Variants in PCYT1A observed in about 807,000 individuals in gnomAD.
The protein encoded by PCYT1A is choline-phosphate cytidylyltransferase A.
PCYT1A carries 25 observed loss-of-function variants against 43.7 expected under a neutral mutation model. The observed-to-expected ratio is 0.57, with a 90% CI of 0.42 to 0.80. The LOEUF (loss-of-function observed/expected upper bound fraction) is 0.80, where lower values mean the gene tolerates loss of function less well. PCYT1A is among the 30% of genes least tolerant of loss of function. The probability of loss-of-function intolerance (pLI) is 0.00; values close to 1 mark genes in which losing one functional copy is unlikely to be tolerated. For missense variants in PCYT1A, 421 were observed against 474.2 expected (o/e 0.89, Z 1.04); for synonymous variants, 172 against 170.7 (o/e 1.01, Z -0.06).
rs561181116 is a variant in PCYT1A at position 196,234,525 on chromosome 3, G to T, written c.*4163C>A. 6.6e-6 allele frequency: 1 copy of T among 152,290 alleles called. No individual in the cohort carries two copies. The highest frequency in any genetic ancestry group is 2.1e-4 in the South Asian group (1 of 4,832). 9.4% of individuals were successfully genotyped at this position (152,290 alleles called of 1,614,324 possible). A position where few individuals can be genotyped will look rare whatever the true frequency, so the allele number is the denominator to read the frequency against. ...TGATGGGGCGAACGTTCAAGACGAA[G>T]CCAGCAGTCCTTTCCAAGACTCTTT... On this transcript the variant is annotated 3_prime_UTR_variant, in exon 9 of 9. Transcript: ENST00000431016.
chr3:196,245,341 T>C (rs1724528303), intron 5 of PCYT1A, among the ~76,000 whole-genome samples: 1 of 152,122 alleles, frequency 6.6e-6, no homozygotes, highest in South Asian at 2.1e-4. Context: ...GGTTTCACCG[T>C]GTTGGCCAGG....
intron 5 of PCYT1A, among the ~76,000 whole-genome samples, chr3:196,244,859 A>C (rs1468505502): frequency 3.9e-5 from 6 of 152,044 alleles, no homozygotes; most frequent in Non-Finnish European, 8.8e-5. Flanking sequence ...GGGCGGTGCA[A>C]GATGTGCTTT....
At position 196,248,371 on chromosome 3, in the gene PCYT1A, C is replaced by A; in HGVS notation, c.218-48G>T. 2.6e-6 allele frequency: 3 copies of A among 1,173,688 alleles called. No homozygotes were observed. The South Asian group carries it at 3.7e-5, about 14-fold the overall frequency. The allele number at this position is 1,173,688 out of a possible 1,614,324, so 72.7% of individuals were successfully genotyped here. On this transcript the variant is annotated intron_variant, in intron 3 of 8. Transcript: ENST00000431016. ...ATCACAAAAATACCTTTTTTTTTGT[C>A]ATTTTTATTTTTATTTTTGAGGCCG...
intron 7 of PCYT1A, chr3:196,241,391 G>A (rs959288007): frequency 2.8e-5 from 13 of 471,570 alleles, no homozygotes; most frequent in Non-Finnish European, 4.3e-5. Context: ...TCGCTATGTT[G>A]CCCCCAGACT....
Position 196,247,534 on chromosome 3 carries a change from A to G in PCYT1A, c.335-16T>C. The G allele has an allele frequency of 6.2e-7, 1 of 1,613,654 alleles. No homozygotes were observed. Among genetic ancestry groups the G allele is most frequent in the African/African-American group, 1.3e-5 (1 of 75,032 alleles). On this transcript the variant is annotated splice_polypyrimidine_tract_variant and intron_variant, in intron 4 of 8. Transcript: ENST00000431016. This position sits in a 1 kb window ranked among gnomAD's most constrained non-coding sequence, Gnocchi z 4.8. ...TCACTGCAAACTGGTTCACCACATC[A>G]TAAATTGTGTGTTGGAGTCCTCTTT...
rs756700777 is a variant in PCYT1A at position 196,277,238 on chromosome 3, T to A, written c.-10-6697A>T. Among the ~76,000 whole-genome samples, 16 of 151,842 alleles carry A rather than the reference T, an allele frequency of 1.1e-4. No individual in the cohort carries two copies. Among genetic ancestry groups the A allele is most frequent in the Non-Finnish European group, 2.2e-4 (15 of 67,944 alleles). ...AGAGTGAGACTCCATTTCAAAAAAA[T>A]ATATATATTTTTTTCTTTACCTGCT... On this transcript the variant is annotated intron_variant, in intron 1 of 8. Transcript: ENST00000431016. The surrounding 1 kb of genome is among the most constrained non-coding windows in gnomAD (Gnocchi z 4.1).
chr3:196,246,700 C>T (rs975133497), intron 5 of PCYT1A, among the ~76,000 whole-genome samples: 2 of 152,178 alleles, frequency 1.3e-5, no homozygotes, highest in Non-Finnish European at 2.9e-5. Context: ...TATGTTAATC[C>T]GTCTTATTTC....
intron 1 of PCYT1A, among the ~76,000 whole-genome samples, chr3:196,276,259 C>T (rs1461740174): frequency 1.3e-5 from 2 of 151,998 alleles, no homozygotes; most frequent in African/African-American, 4.8e-5. Flanking sequence ...AAACATATAT[C>T]GAAGTATCAC....
At chr3:196,248,514 G>A (rs1376225208) in intron 3 of PCYT1A, among the ~76,000 whole-genome samples, 191 bp from the exon 4 acceptor site, 1 of 151,820 alleles carries the variant, frequency 6.6e-6, no homozygotes, top group Non-Finnish European at 1.5e-5. Context: ...TGGGATTACA[G>A]GTGCATGTCA....
intron 1 of PCYT1A, among the ~76,000 whole-genome samples, chr3:196,285,508 G>A (rs1320384620): frequency 2.0e-5 from 3 of 152,064 alleles, no homozygotes; most frequent in Non-Finnish European, 4.4e-5. Flanking sequence ...AAGAGAGAAG[G>A]AAGTAGTAAC....
At chr3:196,245,193 G>A (rs1021004871) in intron 5 of PCYT1A, among the ~76,000 whole-genome samples, 8 of 150,772 alleles carry the variant, frequency 5.3e-5, no homozygotes, top group African/African-American at 2.0e-4. Context: ...CCAGGCTGGA[G>A]TGTAGTGGCA....
chr3:196,259,895 T>C (rs1312959707), intron 2 of PCYT1A, among the ~76,000 whole-genome samples: 1 of 145,396 alleles, frequency 6.9e-6, no homozygotes, highest in African/African-American at 2.5e-5. Context: ...TACTTAATGA[T>C]ATAAATGGAA....
At chr3:196,274,139 A>G (rs1560176600) in intron 1 of PCYT1A, among the ~76,000 whole-genome samples, 1 of 152,238 alleles carries the variant, frequency 6.6e-6, no homozygotes, top group Admixed American at 6.5e-5. Flanking sequence ...CTTTGCTCCA[A>G]AATCAGAGCA....
rs1725639816 is a variant in PCYT1A, at chr3:196,277,922, T to C, written c.-10-7381A>G. Among the ~76,000 whole-genome samples, 1 of 152,194 alleles carries C rather than the reference T, an allele frequency of 6.6e-6. No individual in the cohort carries two copies. Among genetic ancestry groups the C allele is most frequent in the Admixed American group, 6.5e-5 (1 of 15,280 alleles). On this transcript the variant is annotated intron_variant, in intron 1 of 8. Coordinates refer to ENST00000431016, the MANE Select transcript of PCYT1A (RefSeq NM_001312673.2). This position sits in a 1 kb window ranked among gnomAD's most constrained non-coding sequence, Gnocchi z 4.1. Reference sequence around the variant, plus strand: ...TTTTACTCTGTAGGTCTCACAAGTTTTTTTCATTTTTTCCCGGCCTTCTTA... The same window carrying C: ...TTTTACTCTGTAGGTCTCACAAGTTCTTTTCATTTTTTCCCGGCCTTCTTA...
chr3:196,246,574 T>A (rs1724576617), intron 5 of PCYT1A, among the ~76,000 whole-genome samples: 1 of 152,152 alleles, frequency 6.6e-6, no homozygotes, highest in Admixed American at 6.5e-5. Context: ...TAAAAGGAGG[T>A]AAGGGGTTGA....
intron 1 of PCYT1A, among the ~76,000 whole-genome samples, chr3:196,280,630 T>A (rs1034432253): frequency 6.8e-5 from 10 of 148,140 alleles, no homozygotes; most frequent in African/African-American, 2.2e-4. Context: ...TCTGCGGATG[T>A]GGAGCCCATG....
chr3:196,241,615 T>C, intron 7 of PCYT1A: 1 of 1,321,414 alleles, frequency 7.6e-7, no homozygotes, highest in Non-Finnish European at 9.9e-7. Context: ...TCATAGCCTT[T>C]CGCAGGTTCC....
intron 2 of PCYT1A, 52 bp downstream of exon 2, chr3:196,270,363 T>C: frequency 9.6e-7 from 1 of 1,043,690 alleles, no homozygotes; most frequent in Non-Finnish European, 1.5e-6. Context: ...ACTGATATCA[T>C]CAATGTCATA....
At chr3:196,254,960 T>C (rs58820816) in intron 3 of PCYT1A, among the ~76,000 whole-genome samples, 18,118 of 152,194 alleles carry the variant, frequency 0.12, 1,177 homozygotes, top group South Asian at 0.19. Context: ...AAAAGATTCC[T>C]AGAGCTGACC....
Sources: allele counts gnomAD v4.1 joint callset (sites outside exome capture counted in the v4.1 genomes callset), GRCh38; gene constraint gnomAD v4.1.1; non-coding constraint Gnocchi (gnomAD v3.1); transcripts MANE v1.5; gene names NCBI Gene and HGNC (gene_info 2026-07-23, HGNC 2026-07-21).